The following SKAP1 variants were observed in gnomAD, a reference collection of about 807,000 sequenced individuals.
The protein encoded by SKAP1 is src kinase-associated phosphoprotein 1.
SKAP1 carries 44 observed loss-of-function variants against 58.5 expected under a neutral mutation model. That is an observed-to-expected ratio of 0.75 (90% CI 0.59 to 0.97). The LOEUF (loss-of-function observed/expected upper bound fraction) is 0.97, where lower values mean the gene tolerates loss of function less well. Ranked by LOEUF, SKAP1 falls within the 50% of genes least tolerant of loss-of-function variation. The pLI is 0.00. For synonymous variants in SKAP1, 127 were observed against 149.7 expected, an observed-to-expected ratio of 0.85 and a Z score of 1.11; for missense variants, 390 against 435.2, an observed-to-expected ratio of 0.90 and a Z score of 0.92.
At chr17:48,308,452 T>C (rs2144165178) in intron 4 of SKAP1, 1 of 152,354 alleles carries the variant, frequency 6.6e-6, no homozygotes, top group South Asian at 2.1e-4. Flanking sequence ...TGCAAAACTT[T>C]CTTAGAAGTC....
chr17:48,237,634 T>C (rs1474443693), intron 4 of SKAP1, among the ~76,000 whole-genome samples: 3 of 152,148 alleles, frequency 2.0e-5, no homozygotes, highest in Non-Finnish European at 4.4e-5. Context: ...GGATGAAAGA[T>C]AGGGAGATTA....
At chr17:48,342,914 G>A (rs2066674972) in intron 4 of SKAP1, among the ~76,000 whole-genome samples, 2 of 151,692 alleles carry the variant, frequency 1.3e-5, no homozygotes, top group Non-Finnish European at 2.9e-5. Context: ...GAACCCAGGA[G>A]GCAGAGTTTG....
chr17:48,278,055 T>A (rs1469565325), intron 4 of SKAP1, among the ~76,000 whole-genome samples: 3 of 152,248 alleles, frequency 2.0e-5, no homozygotes, highest in Admixed American at 2.0e-4. Context: ...GCATGAAACA[T>A]CTAACTTAAC....
intron 2 of SKAP1, chr17:48,380,482 T>C (rs1185915688): frequency 6.6e-6 from 1 of 152,216 alleles, no homozygotes; most frequent in African/African-American, 2.4e-5. Flanking sequence ...TTGTACACAC[T>C]TTCCTGATCT....
intron 4 of SKAP1, among the ~76,000 whole-genome samples, chr17:48,270,624 A>G (rs2065617221): frequency 6.6e-6 from 1 of 152,088 alleles, no homozygotes; most frequent in Admixed American, 6.5e-5. Flanking sequence ...TACAGGTGTG[A>G]GCCACTGCGC....
intron 4 of SKAP1, among the ~76,000 whole-genome samples, chr17:48,255,280 G>C (rs1221458837): frequency 2.0e-5 from 3 of 151,980 alleles, no homozygotes; most frequent in Admixed American, 6.6e-5. Context: ...GCAGTCATCT[G>C]TTTGCACTCA....
intron 3 of SKAP1, among the ~76,000 whole-genome samples, chr17:48,363,305 C>T (rs1285309907): frequency 6.6e-6 from 1 of 152,182 alleles, no homozygotes; most frequent in East Asian, 1.9e-4. Context: ...TAACACTGTT[C>T]TAGTGGGAAT....
chr17:48,349,892 G>A (rs953271266), intron 3 of SKAP1, among the ~76,000 whole-genome samples: 5 of 152,126 alleles, frequency 3.3e-5, no homozygotes, highest in African/African-American at 9.7e-5. Context: ...CAGTTAATGA[G>A]TTTTCCCCCT....
At chr17:48,252,636 A>G (rs2065376793) in intron 4 of SKAP1, among the ~76,000 whole-genome samples, 1 of 152,014 alleles carries the variant, frequency 6.6e-6, no homozygotes, top group Non-Finnish European at 1.5e-5. Context: ...ATAAGTTTAC[A>G]TTGGATTTAA....
chr17:48,369,171 A>C (rs2067051561), intron 2 of SKAP1, among the ~76,000 whole-genome samples: 1 of 148,066 alleles, frequency 6.8e-6, no homozygotes, highest in Admixed American at 6.8e-5. Context: ...ATAAATAAAT[A>C]AATAAATATA....
intron 4 of SKAP1, among the ~76,000 whole-genome samples, chr17:48,254,980 T>C (rs914472810): frequency 1.6e-4 from 25 of 152,184 alleles, no homozygotes; most frequent in African/African-American, 5.8e-4. Flanking sequence ...TTGAGATTTC[T>C]TCTTTCCCTT....
intron 4 of SKAP1, among the ~76,000 whole-genome samples, chr17:48,205,857 G>A (rs1446081508): frequency 1.3e-5 from 2 of 152,124 alleles, no homozygotes; most frequent in Admixed American, 6.5e-5. Context: ...GACATTCAAA[G>A]TCTCAAGAAA....
chr17:48,357,399 G>A (rs2066888441), intron 3 of SKAP1, among the ~76,000 whole-genome samples: 1 of 152,164 alleles, frequency 6.6e-6, no homozygotes, highest in Non-Finnish European at 1.5e-5. Flanking sequence ...GGGAGGCTGA[G>A]GCGGATGGAT....
At chr17:48,435,737 A>G in the SKAP1 span, among the ~76,000 whole-genome samples, 5 of 152,176 alleles carry the variant, frequency 3.3e-5, no homozygotes, top group African/African-American at 1.2e-4. Context: ...AGGTCTTAGA[A>G]TTCAGAGTTG....
At chr17:48,140,441 T>A (rs1436321395) in intron 11 of SKAP1, among the ~76,000 whole-genome samples, 1 of 152,222 alleles carries the variant, frequency 6.6e-6, no homozygotes, top group East Asian at 1.9e-4. Flanking sequence ...TGTCCTGGCC[T>A]TCTCTTCTGT....
At chr17:48,396,599 C>G in intron 2 of SKAP1, 81 bp downstream of exon 2, 1 of 906,906 alleles carries the variant, frequency 1.1e-6, no homozygotes, top group East Asian at 2.5e-5. Flanking sequence ...ATAGGTATGT[C>G]TTACCTTGTG....
At chr17:48,299,682 G>A (rs1219061737) in intron 4 of SKAP1, among the ~76,000 whole-genome samples, 1 of 152,154 alleles carries the variant, frequency 6.6e-6, no homozygotes, top group Non-Finnish European at 1.5e-5. Flanking sequence ...ACAATCCTTT[G>A]GAGATGCCAG....
chr17:48,216,939 A>G (rs758909216), intron 4 of SKAP1, among the ~76,000 whole-genome samples: 1 of 152,242 alleles, frequency 6.6e-6, no homozygotes, highest in Admixed American at 6.5e-5. Context: ...TTCTAATACA[A>G]GAAGCAAAAA....
chr17:48,318,703 A>G (rs1227028649), intron 4 of SKAP1, among the ~76,000 whole-genome samples: 2 of 151,754 alleles, frequency 1.3e-5, no homozygotes, highest in Non-Finnish European at 2.9e-5. Flanking sequence ...TCATTTCTAC[A>G]AAAAAAATTA....
Sources: gnomAD v4.1 joint callset for allele counts (sites outside exome capture counted in the v4.1 genomes callset) on GRCh38, gnomAD v4.1.1 for gene constraint, MANE v1.5 for transcripts, NCBI Gene and HGNC (gene_info 2026-07-23, HGNC 2026-07-21) for gene names.